The following N4BP2 variants were observed in gnomAD, a reference collection of about 807,000 sequenced individuals.
The protein encoded by N4BP2 is NEDD4 binding protein 2.
In N4BP2, 91 loss-of-function variants were observed where a neutral mutation model predicts 152.8. That is an observed-to-expected ratio of 0.60 (90% CI 0.50 to 0.71). The LOEUF (loss-of-function observed/expected upper bound fraction) is 0.71. Among genes scored for constraint, N4BP2 ranks in the 30% least tolerant of loss-of-function variants. The pLI, the probability that N4BP2 is intolerant of heterozygous loss-of-function variation, is 0.00. For synonymous variants in N4BP2, 646 were observed against 705.3 expected (o/e 0.92, Z 1.33); for missense variants, 1,923 against 2,059.1 (o/e 0.93, Z 1.28).
intron 1 of N4BP2, among the ~76,000 whole-genome samples, chr4:40,064,931 C>T (rs550112665): frequency 4.6e-5 from 7 of 151,906 alleles, no homozygotes; most frequent in African/African-American, 7.2e-5. Context: ...CCACCACACT[C>T]GCTAAGTTTT....
chr4:40,175,855 C>A, the N4BP2 span, among the ~76,000 whole-genome samples: 2 of 149,192 alleles, frequency 1.3e-5, no homozygotes, highest in African/African-American at 5.0e-5. Flanking sequence ...CTTTGGGAGG[C>A]CGAGGTGGGT....
chr4:40,065,848 A>G (rs538137052), intron 1 of N4BP2, among the ~76,000 whole-genome samples: 1 of 152,140 alleles, frequency 6.6e-6, no homozygotes, highest in African/African-American at 2.4e-5. Flanking sequence ...GGGCATGGAT[A>G]TGATACATGC....
intron 2 of N4BP2, among the ~76,000 whole-genome samples, chr4:40,085,152 C>G (rs1713816472): frequency 6.6e-6 from 1 of 151,984 alleles, no homozygotes; most frequent in Admixed American, 6.6e-5. Flanking sequence ...ACCTTGTGAT[C>G]CACTTGCCTT....
intron 1 of N4BP2, among the ~76,000 whole-genome samples, chr4:40,063,317 A>G (rs1407472511): frequency 5.9e-5 from 9 of 152,186 alleles, no homozygotes; most frequent in Non-Finnish European, 1.5e-5. Flanking sequence ...ACTTTCCCAT[A>G]GTTGGGACCT....
At position 40,122,284 on chromosome 4, in the gene N4BP2, A is replaced by G; in HGVS notation, c.4173A>G (p.Leu1391=). The G allele has an allele frequency of 6.3e-7, 1 of 1,587,558 alleles. No homozygotes were observed. The highest frequency in any genetic ancestry group is 8.6e-7 in the Non-Finnish European group (1 of 1,164,486). ...AACTGGCTTTTCAACTTAATGAATT[A>G]TTTGGTCCTGTTGGTATTGATTCAG... The part of the protein sequence containing the change: ...PPELAFQLNE[L]FGPVGIDSGS... Residue 1391 remains leucine (L), a synonymous_variant, in exon 9 of 18, where the codon TTA becomes TTG. Transcript: ENST00000261435.
intron 2 of N4BP2, among the ~76,000 whole-genome samples, chr4:40,095,553 A>G (rs531289554): frequency 1.3e-3 from 197 of 152,346 alleles, no homozygotes; most frequent in African/African-American, 4.7e-3. Flanking sequence ...GGTGGCTGCC[A>G]TATTGACAAT....
chr4:40,134,419 G>A (rs1481641393), intron 13 of N4BP2, among the ~76,000 whole-genome samples: 1 of 152,080 alleles, frequency 6.6e-6, no homozygotes, highest in African/African-American at 2.4e-5. Flanking sequence ...TGATTGGTCA[G>A]CCAGGGCCCT....
At chr4:40,093,319 GT>G (rs892595284) in intron 2 of N4BP2, among the ~76,000 whole-genome samples, 1 of 152,086 alleles carries the variant, frequency 6.6e-6, no homozygotes, top group African/African-American at 2.4e-5. Flanking sequence ...GGTTCTTATG[GT>G]GGGGGCTTAG....
rs1184266741 is a variant in N4BP2 at position 40,120,774 on chromosome 4, C to G, written c.2663C>G (p.Ser888Cys). The change falls in exon 9 of 18, where the codon TCT becomes TGT. Residue 888 changes from serine to cysteine, a missense_variant. By Grantham distance (112) the Ser-to-Cys change is moderately radical. Transcript: ENST00000261435. ...SFNIMGDWPSSDSLAQREHRS... is the reference protein window; with the variant it reads ...SFNIMGDWPSCDSLAQREHRS... ...AACATTATGGGTGACTGGCCTTCAT[C>G]TGATTCTTTAGCTCAGAGGGAACAC... The G allele has an allele frequency of 6.2e-7, 1 of 1,614,176 alleles. No individual in the cohort carries two copies. Among genetic ancestry groups the G allele is most frequent in the Non-Finnish European group, 8.5e-7 (1 of 1,180,024 alleles).
intron 16 of N4BP2, among the ~76,000 whole-genome samples, chr4:40,145,648 G>GTTA (rs1720446392): frequency 6.6e-6 from 1 of 152,148 alleles, no homozygotes; most frequent in Non-Finnish European, 1.5e-5. Context: ...GTATATAGAA[G>GTTA]TGTTATGAAA....
chr4:40,103,323 C>T (rs1715894233), intron 4 of N4BP2, 105 bp downstream of exon 4: 1 of 956,450 alleles, frequency 1.0e-6, no homozygotes, highest in Non-Finnish European at 1.5e-6. Context: ...TCTTTAGTAA[C>T]CCCTAAAATG....
At chr4:40,178,819 C>T in the N4BP2 span, among the ~76,000 whole-genome samples, 4 of 152,172 alleles carry the variant, frequency 2.6e-5, no homozygotes, top group African/African-American at 7.2e-5. Flanking sequence ...CAGCTGCTGT[C>T]GGAGAGCTCT....
chr4:40,190,032 G>A, the N4BP2 span, among the ~76,000 whole-genome samples: 2,059 of 152,164 alleles, frequency 0.014, 23 homozygotes, highest in Middle Eastern at 0.02. Context: ...GGACTTTCCT[G>A]ACCATCCTTT....
chr4:40,094,816 C>T (rs1368702076), intron 2 of N4BP2, among the ~76,000 whole-genome samples: 2 of 151,780 alleles, frequency 1.3e-5, no homozygotes, highest in Non-Finnish European at 2.9e-5. Flanking sequence ...CCTCCCAAAA[C>T]GCTGGGATTA....
chr4:40,144,778 A>G lies in N4BP2; in HGVS notation c.5121A>G (p.Arg1707=). 6.2e-7 allele frequency: 1 copy of G among 1,611,472 alleles called. No individual in the cohort carries two copies. Among genetic ancestry groups the G allele is most frequent in the Non-Finnish European group, 8.5e-7 (1 of 1,178,970 alleles). The change falls in exon 16 of 18, where the codon AGA becomes AGG. Residue 1707 remains arginine (R), a synonymous_variant. Coordinates refer to ENST00000261435, the MANE Select transcript of N4BP2 (RefSeq NM_018177.6). ...HVDEALEHLM[R]VLEKKTEEFK... ...ATGAAGCTCTAGAACATTTGATGAG[A>G]GTTTTAGAGAAGAAGACTGAAGGTA...
intron 4 of N4BP2, among the ~76,000 whole-genome samples, chr4:40,104,287 A>C (rs1237646908): frequency 6.7e-6 from 1 of 150,186 alleles, no homozygotes; most frequent in Non-Finnish European, 1.5e-5. Flanking sequence ...CTTTTTCCAA[A>C]TTTTAACCAT....
chr4:40,137,592 T>C (rs1719522154), intron 14 of N4BP2, among the ~76,000 whole-genome samples: 2 of 152,212 alleles, frequency 1.3e-5, no homozygotes. Flanking sequence ...GAATTTGTTT[T>C]AATCAGGTAT....
intron 2 of N4BP2, among the ~76,000 whole-genome samples, chr4:40,088,751 T>C (rs1412355033): frequency 6.6e-6 from 1 of 152,148 alleles, no homozygotes. Context: ...CTGCCCGCCT[T>C]GGCCTCCCAA....
intron 14 of N4BP2, among the ~76,000 whole-genome samples, chr4:40,141,430 G>A (rs1228348668): frequency 8.8e-5 from 13 of 148,230 alleles, no homozygotes; most frequent in Admixed American, 8.0e-4. Flanking sequence ...GGGTAGAGGC[G>A]CTCCTCACAT....
Sources: gnomAD v4.1 joint callset for allele counts (sites outside exome capture counted in the v4.1 genomes callset) on GRCh38, gnomAD v4.1.1 for gene constraint, MANE v1.5 for transcripts, NCBI Gene and HGNC (gene_info 2026-07-23, HGNC 2026-07-21) for gene names.